EMCN: variants seen among roughly 807,000 people sequenced by gnomAD.
EMCN encodes the protein endomucin.
In EMCN, 37 loss-of-function variants were observed where a neutral mutation model predicts 38.4. The observed-to-expected ratio is 0.96, with a 90% CI of 0.74 to 1.27. EMCN has a LOEUF of 1.27. Among genes scored for constraint, EMCN ranks in the 50% most tolerant of loss-of-function variants. The probability of loss-of-function intolerance (pLI) is 0.00; values close to 1 mark genes in which losing one functional copy is unlikely to be tolerated. For missense variants in EMCN, 318 were observed against 302.8 expected (o/e 1.05, Z -0.37); for synonymous variants, 95 against 100.8 (o/e 0.94, Z 0.35).
intron 4 of EMCN, among the ~76,000 whole-genome samples, chr4:100,463,311 A>G (rs1728231515): frequency 6.6e-6 from 1 of 152,108 alleles, no homozygotes; most frequent in South Asian, 2.1e-4. Flanking sequence ...TCTGGATGCC[A>G]TAGGTATGCA....
chr4:100,489,387 G>A (rs982324935), intron 1 of EMCN, among the ~76,000 whole-genome samples: 1 of 152,118 alleles, frequency 6.6e-6, no homozygotes, highest in Non-Finnish European at 1.5e-5. Context: ...CCTCCATACA[G>A]TTTTCCACAA....
chr4:100,409,058 C>T (rs1003456579), intron 11 of EMCN, among the ~76,000 whole-genome samples: 8 of 152,158 alleles, frequency 5.3e-5, no homozygotes, highest in African/African-American at 1.9e-4. Flanking sequence ...ACAAGCACAG[C>T]AGGTACCATT....
At chr4:100,492,559 A>G (rs1729110593) in intron 1 of EMCN, among the ~76,000 whole-genome samples, 1 of 152,298 alleles carries the variant, frequency 6.6e-6, no homozygotes, top group African/African-American at 2.4e-5. Context: ...GGAAGTGCAG[A>G]TGTCTTAAAT....
At chr4:100,490,254 G>A (rs1729044183) in intron 1 of EMCN, among the ~76,000 whole-genome samples, 1 of 151,510 alleles carries the variant, frequency 6.6e-6, no homozygotes, top group South Asian at 2.1e-4. Context: ...TTGTACAGCT[G>A]TGCAATGTGT....
chr4:100,466,342 T>C (rs1448204196), intron 3 of EMCN, among the ~76,000 whole-genome samples: 1 of 152,208 alleles, frequency 6.6e-6, no homozygotes, highest in Non-Finnish European at 1.5e-5. Flanking sequence ...AGTAGATCTC[T>C]AACACAGAGT....
chr4:100,427,578 C>T (rs953695323), intron 5 of EMCN, among the ~76,000 whole-genome samples: 2 of 151,812 alleles, frequency 1.3e-5, no homozygotes, highest in African/African-American at 2.4e-5. Context: ...TGAGCCACCA[C>T]ATCTGTCCCC....
At chr4:100,428,034 A>C (rs1727098338) in intron 5 of EMCN, among the ~76,000 whole-genome samples, 1 of 144,468 alleles carries the variant, frequency 6.9e-6, no homozygotes, top group Admixed American at 7.0e-5. Flanking sequence ...GGTCAAAGCC[A>C]CCATCTTCTC....
At chr4:100,499,069 A>T (rs573893419) in intron 1 of EMCN, among the ~76,000 whole-genome samples, 84 of 152,056 alleles carry the variant, frequency 5.5e-4, no homozygotes, top group African/African-American at 1.7e-3. Flanking sequence ...ATTTTTTTTT[A>T]AGTTACAGAA....
intron 4 of EMCN, among the ~76,000 whole-genome samples, chr4:100,454,187 T>C (rs1027465695): frequency 6.9e-6 from 1 of 144,268 alleles, no homozygotes; most frequent in African/African-American, 2.6e-5. Context: ...AATAAAAAAA[T>C]TAAAAAAATA....
chr4:100,517,730 A>C, intron 1 of EMCN, 121 bp downstream of exon 1: 1 of 885,238 alleles, frequency 1.1e-6, no homozygotes, highest in Non-Finnish European at 1.9e-6. Flanking sequence ...CAAACACTCA[A>C]CTCATCAAAG....
chr4:100,495,007 T>A (rs28479802), intron 1 of EMCN, among the ~76,000 whole-genome samples: 85,972 of 149,862 alleles, frequency 0.57, 25,402 homozygotes, highest in East Asian at 0.77. Flanking sequence ...AATGTGAATT[T>A]AAAAAAAAGT....
intron 1 of EMCN, among the ~76,000 whole-genome samples, chr4:100,514,518 T>C (rs985200103): frequency 3.3e-5 from 5 of 152,142 alleles, no homozygotes; most frequent in Admixed American, 2.0e-4. Flanking sequence ...CAGATTAGTC[T>C]TCCCATTTTA....
intron 11 of EMCN, among the ~76,000 whole-genome samples, chr4:100,404,379 T>C (rs1017247973): frequency 1.3e-5 from 2 of 152,188 alleles, no homozygotes; most frequent in African/African-American, 4.8e-5. Flanking sequence ...TGTGGCATTA[T>C]TTCAGAGTTC....
intron 3 of EMCN, among the ~76,000 whole-genome samples, chr4:100,468,566 A>C (rs1438262534): frequency 6.6e-6 from 1 of 152,170 alleles, no homozygotes. Flanking sequence ...ATAAAAGGTA[A>C]GAGACTTTTG....
At chr4:100,402,251 C>T (rs890758609) in intron 11 of EMCN, among the ~76,000 whole-genome samples, 16 of 151,960 alleles carry the variant, frequency 1.1e-4, no homozygotes, top group Admixed American at 2.6e-4. Context: ...ATACTGTGCA[C>T]TAAATAGATG....
intron 1 of EMCN, among the ~76,000 whole-genome samples, chr4:100,504,596 T>C (rs1729430810): frequency 2.6e-5 from 4 of 152,106 alleles, no homozygotes. Flanking sequence ...TGAAGGGAGA[T>C]AGTGAGAAGT....
chr4:100,429,708 T>C (rs977970700), intron 5 of EMCN, among the ~76,000 whole-genome samples: 2 of 44,060 alleles, frequency 4.5e-5, no homozygotes, highest in African/African-American at 2.0e-4. Flanking sequence ...GATATATTTT[T>C]CTTTTTGATT....
chr4:100,415,264 T>A (rs1726692005), intron 10 of EMCN, among the ~76,000 whole-genome samples: 1 of 152,336 alleles, frequency 6.6e-6, no homozygotes, highest in East Asian at 1.9e-4. Flanking sequence ...GGTTTAAATG[T>A]CTAATCTACT....
chr4:100,448,209 A>G (rs566612694), intron 4 of EMCN, among the ~76,000 whole-genome samples: 1 of 152,154 alleles, frequency 6.6e-6, no homozygotes, highest in Non-Finnish European at 1.5e-5. Flanking sequence ...TGGAAGAATT[A>G]TAATCAAAGA....
Sources: gnomAD v4.1 joint callset for allele counts (sites outside exome capture counted in the v4.1 genomes callset) on GRCh38, gnomAD v4.1.1 for gene constraint, MANE v1.5 for transcripts, NCBI Gene and HGNC (gene_info 2026-07-23, HGNC 2026-07-21) for gene names.